FRRS1: variants seen among roughly 807,000 people sequenced by gnomAD.
The protein encoded by FRRS1 is ferric reductase 1.
FRRS1 carries 51 observed loss-of-function variants against 70.7 expected under a neutral mutation model. That is an observed-to-expected ratio of 0.72 (90% CI 0.58 to 0.91). The LOEUF is 0.91. Among genes scored for constraint, FRRS1 ranks in the 40% least tolerant of loss-of-function variants. The pLI is 0.00. For synonymous variants in FRRS1, 225 were observed against 238.7 expected (o/e 0.94, Z 0.53); for missense variants, 672 against 726.0 (o/e 0.93, Z 0.86).
rs1029781770 is a variant in FRRS1 at position 99,705,987 on chromosome 1, G to C, written c.*3041C>G. 6.6e-6 allele frequency among the ~76,000 whole-genome samples: 1 copy of C among 152,052 alleles called. No individual in the cohort carries two copies. The highest frequency in any genetic ancestry group is 1.5e-5 in the Non-Finnish European group (1 of 68,006). On this transcript the variant is annotated 3_prime_UTR_variant, in exon 17 of 17. Transcript: ENST00000646001. Reference sequence around the variant, plus strand: ...AAAACTTCCCAGAGTGTTTATTACAGAAACAAAAAGAAAAACTGAGAGGAG... The same window carrying C: ...AAAACTTCCCAGAGTGTTTATTACACAAACAAAAAGAAAAACTGAGAGGAG...
At chr1:99,744,024 C>T (rs986785833) in intron 4 of FRRS1, among the ~76,000 whole-genome samples, 5 of 145,608 alleles carry the variant, frequency 3.4e-5, no homozygotes, top group Non-Finnish European at 7.4e-5. Context: ...TGCAGTTGCC[C>T]GCCATATCAA....
intron 12 of FRRS1, among the ~76,000 whole-genome samples, chr1:99,713,937 G>A (rs1271480164): frequency 3.3e-5 from 5 of 152,138 alleles, no homozygotes; most frequent in Non-Finnish European, 7.3e-5. Context: ...ATGGAAGCGT[G>A]TGCCAGGCAG....
At chr1:99,725,125 T>C (rs1482853062) in intron 9 of FRRS1, among the ~76,000 whole-genome samples, 1 of 152,032 alleles carries the variant, frequency 6.6e-6, no homozygotes, top group Non-Finnish European at 1.5e-5. Flanking sequence ...ATCCTTCACA[T>C]GCGCAGTTGA....
chr1:99,741,531 A>T (rs1655960867), intron 5 of FRRS1, among the ~76,000 whole-genome samples: 1 of 152,248 alleles, frequency 6.6e-6, no homozygotes, highest in Admixed American at 6.5e-5. Flanking sequence ...ATTAGATGGC[A>T]TTATAACATT....
rs1284221606 is a variant in FRRS1, at chr1:99,706,571, C to T, written c.*2457G>A. ...TATAGCAAGCCCACATATTTGAAGA[C>T]CAAACACATCAAGACTCATCTTTCC... On this transcript the variant is annotated 3_prime_UTR_variant, in exon 17 of 17. Coordinates refer to ENST00000646001, the MANE Select transcript of FRRS1 (RefSeq NM_001361041.2). Among the ~76,000 whole-genome samples, 1 of 152,100 alleles carries T rather than the reference C, an allele frequency of 6.6e-6. No individual in the cohort carries two copies. Among genetic ancestry groups the T allele is most frequent in the African/African-American group, 2.4e-5 (1 of 41,410 alleles).
At chr1:99,749,246 G>A (rs185944753) in intron 1 of FRRS1, among the ~76,000 whole-genome samples, 5 of 152,180 alleles carry the variant, frequency 3.3e-5, no homozygotes, top group East Asian at 1.9e-4. Flanking sequence ...GGCTGGTCTC[G>A]AACTCCTGAC....
intron 1 of FRRS1, among the ~76,000 whole-genome samples, chr1:99,752,461 G>A (rs1278962738): frequency 6.6e-6 from 1 of 152,200 alleles, no homozygotes; most frequent in Non-Finnish European, 1.5e-5. Context: ...AGAGATTGGA[G>A]AATAGCCAGT....
rs1458855072 is a variant in FRRS1 at position 99,708,104 on chromosome 1, A to G, written c.*924T>C. Among the ~76,000 whole-genome samples the G allele has an allele frequency of 1.3e-5, 2 of 152,208 alleles. No individual in the cohort carries two copies. Among genetic ancestry groups the G allele is most frequent in the African/African-American group, 4.8e-5 (2 of 41,448 alleles). On this transcript the variant is annotated 3_prime_UTR_variant, in exon 17 of 17. Transcript: ENST00000646001. The stretch of plus-strand genomic sequence containing the variant: ...ATTTCATTGCTAAGCAATTCATAAT[A>G]TATTTAAATGCTGGTAAAACCTACA...
rs1656793270 is a variant in FRRS1 at position 99,755,592 on chromosome 1, T to C, written c.-105-6591A>G. Among the ~76,000 whole-genome samples, 4 of 152,328 alleles carry C rather than the reference T, an allele frequency of 2.6e-5. No individual in the cohort carries two copies. In the South Asian group the frequency reaches 8.3e-4, roughly 32 times the overall value. ...TAACAAATATTTATTTGGCACTAAC[T>C]TTCTGTCAGTGAAAATGGAAACAAA... On this transcript the variant is annotated intron_variant, in intron 1 of 16. Coordinates refer to ENST00000646001, the MANE Select transcript of FRRS1 (RefSeq NM_001361041.2).
intron 12 of FRRS1, among the ~76,000 whole-genome samples, chr1:99,713,605 G>T (rs907383825): frequency 9.2e-5 from 14 of 152,126 alleles, no homozygotes; most frequent in Admixed American, 1.3e-4. Context: ...ATTCTCATTG[G>T]CTATAAAACT....
chr1:99,740,823 C>T lies in FRRS1; in HGVS notation c.546G>A (p.Thr182=), dbSNP rs142060390. Residue 182 remains threonine, a synonymous_variant, in exon 6 of 17, where the codon ACG becomes ACA. Transcript: ENST00000646001. ...TPKATVVPLP[T]LPPVSHLTKP... ...TGGTTAAGTGGGAAACGGGAGGTAA[C>T]GTTGGCAAAGGTACTACTGTAGCTT... 1.9e-3 allele frequency: 3,003 copies of T among 1,612,520 alleles called. 5 individuals are homozygous for T. Among genetic ancestry groups the T allele is most frequent in the Admixed American group, 2.8e-3 (167 of 59,958 alleles).
chr1:99,741,708 T>C (rs1655972851), intron 5 of FRRS1, among the ~76,000 whole-genome samples: 1 of 152,234 alleles, frequency 6.6e-6, no homozygotes, highest in Non-Finnish European at 1.5e-5. Context: ...ATTCTCATGC[T>C]AATACAGGAG....
intron 4 of FRRS1, among the ~76,000 whole-genome samples, 159 bp from the exon 5 acceptor site, chr1:99,742,432 AT>A (rs1410233536): frequency 6.6e-6 from 1 of 152,212 alleles, no homozygotes; most frequent in Non-Finnish European, 1.5e-5. Flanking sequence ...CATAAATGAA[AT>A]GTTGATTGGT....
rs567431774 is a variant in FRRS1 at position 99,739,613 on chromosome 1, A to G, written c.576+1180T>C. Among the ~76,000 whole-genome samples the G allele has an allele frequency of 2.6e-5, 4 of 152,346 alleles. No homozygotes were observed. The South Asian group carries it at 6.2e-4, about 24-fold the overall frequency. On this transcript the variant is annotated intron_variant, in intron 6 of 16. Transcript: ENST00000646001. The stretch of plus-strand genomic sequence containing the variant: ...GTCTTCTCTATGTGAATAAAAAGGT[A>G]CAGAAGGATAATAAAAAGAAGGAAA...
At chr1:99,741,026 A>C (rs1655933838) in intron 5 of FRRS1, 86 bp from the exon 6 acceptor site, 4 of 1,236,864 alleles carry the variant, frequency 3.2e-6, no homozygotes, top group Non-Finnish European at 4.6e-6. Flanking sequence ...AAAAAGAAAG[A>C]CTAAACTAGA....
chr1:99,711,392 T>C (rs965580020), intron 14 of FRRS1: 1 of 154,976 alleles, frequency 6.5e-6, no homozygotes, highest in African/African-American at 2.4e-5. Flanking sequence ...GATTTTCTGT[T>C]TCTGCATTAA....
intron 1 of FRRS1, among the ~76,000 whole-genome samples, chr1:99,752,373 G>A (rs1454837412): frequency 1.3e-5 from 2 of 152,086 alleles, no homozygotes; most frequent in Non-Finnish European, 1.5e-5. Flanking sequence ...AACACTTACA[G>A]GCCATTATAG....
chr1:99,722,384 C>T (rs1654877699), intron 9 of FRRS1, among the ~76,000 whole-genome samples: 1 of 152,122 alleles, frequency 6.6e-6, no homozygotes, highest in African/African-American at 2.4e-5. Context: ...ATCAAAACTA[C>T]GCATGTGTAC....
At chr1:99,745,443 G>A (rs1367193803) in intron 4 of FRRS1, among the ~76,000 whole-genome samples, 1 of 152,158 alleles carries the variant, frequency 6.6e-6, no homozygotes, top group African/African-American at 2.4e-5. Context: ...CAGTGCTTTG[G>A]GAGGCCGAGG....
Sources: allele counts gnomAD v4.1 joint callset (sites outside exome capture counted in the v4.1 genomes callset), GRCh38; gene constraint gnomAD v4.1.1; transcripts MANE v1.5; gene names NCBI Gene and HGNC (gene_info 2026-07-23, HGNC 2026-07-21).